SLC35E1: variants seen among roughly 807,000 people sequenced by gnomAD.
The protein encoded by SLC35E1 is solute carrier family 35, member E1.
SLC35E1 carries 12 observed loss-of-function variants against 31.0 expected under a neutral mutation model. The observed-to-expected ratio is 0.39, with a 90% CI of 0.25 to 0.63. SLC35E1 has a LOEUF of 0.63. SLC35E1 is among the 20% of genes least tolerant of loss of function. The pLI is 0.52. For missense variants in SLC35E1, 429 were observed against 572.2 expected (o/e 0.75, Z 2.55); for synonymous variants, 257 against 264.1 (o/e 0.97, Z 0.26).
In SLC35E1 at chr19:16,555,624, T is replaced by A; in HGVS notation, c.757-227A>T. On this transcript the variant is annotated intron_variant, in intron 4 of 5. Coordinates refer to ENST00000595753, the MANE Select transcript of SLC35E1 (RefSeq NM_024881.5). The surrounding 1 kb of genome is among the most constrained non-coding windows in gnomAD (Gnocchi z 4.1). ...AGCATGGGAATCACCCGCCGTCTCC[T>A]GCCAAGGAAACAGGTGAAGCCAGGT... 1.8e-6 allele frequency: 1 copy of A among 551,996 alleles called. No individual in the cohort carries two copies. Among genetic ancestry groups the A allele is most frequent in the Admixed American group, 3.3e-5 (1 of 30,110 alleles). 34.2% of individuals were successfully genotyped at this position (551,996 alleles called of 1,614,324 possible).
intron 2 of SLC35E1, among the ~76,000 whole-genome samples, chr19:16,569,776 G>T (rs773935209): frequency 5.9e-5 from 9 of 152,170 alleles, no homozygotes; most frequent in Non-Finnish European, 1.2e-4. Flanking sequence ...CCCAGGAGGC[G>T]GAGCTTGCAG....
At chr19:16,563,228 G>A (rs2085915876) in intron 4 of SLC35E1, among the ~76,000 whole-genome samples, 1 of 151,988 alleles carries the variant, frequency 6.6e-6, no homozygotes, top group South Asian at 2.1e-4. Flanking sequence ...GGAGGCTGAG[G>A]CAGGAGAACT....
At position 16,571,518 on chromosome 19, in the gene SLC35E1, G is replaced by C. The variant is rs944747722; in HGVS notation, c.486C>G (p.Ser162Arg). The change falls in exon 2 of 6, where the codon AGC becomes AGG. Residue 162 changes from serine to arginine, a missense_variant. Physicochemically the swap from Ser to Arg is moderately radical, Grantham distance 110. Transcript: ENST00000595753. ...AGTCCCTGCCCGGGGTTACCTTGGT[G>C]CTCTGCTTCTCCTTCATAATGATCC... ...LSRIIMKEKQ[S>R]TKVYLSLIPI... 6.2e-7 allele frequency: 1 copy of C among 1,613,930 alleles called. No homozygotes were observed. The highest frequency in any genetic ancestry group is 8.5e-7 in the Non-Finnish European group (1 of 1,179,924).
At chr19:16,556,889 C>CA in intron 4 of SLC35E1, 1 of 471,556 alleles carries the variant, frequency 2.1e-6, no homozygotes, top group Non-Finnish European at 4.4e-6. Flanking sequence ...TCAACCAACT[C>CA]AAGACTGGAA....
In SLC35E1 at chr19:16,566,532, C is replaced by G. The variant is rs765030120; in HGVS notation, c.756G>C (p.Leu252Phe). ...DLSAFLVSSD[L>F]TYVYQWPWTL... is the part of the protein sequence containing the mutation. The stretch of plus-strand genomic sequence containing the variant: ...GTGTTCTTGGTGCTGTACAACTCAC[C>G]AAGTCGCTGCTGACCAGGAAAGCCG... Residue 252 changes from leucine to phenylalanine, a missense_variant and splice_region_variant, in exon 4 of 6, where the codon TTG (leucine) becomes TTC (phenylalanine). By Grantham distance (22) the Leu-to-Phe change is conservative (BLOSUM62 0). Coordinates refer to ENST00000595753, the MANE Select transcript of SLC35E1 (RefSeq NM_024881.5). 3.1e-6 allele frequency: 5 copies of G among 1,612,528 alleles called. No homozygotes were observed. The Admixed American group carries it at 8.3e-5, about 27-fold the overall frequency.
At position 16,572,155 on chromosome 19, in the gene SLC35E1, G is replaced by C; in HGVS notation, c.210C>G (p.Cys70Trp). 1 of 1,517,598 alleles carries C rather than the reference G, an allele frequency of 6.6e-7. No homozygotes were observed. Among genetic ancestry groups the C allele is most frequent in the Non-Finnish European group, 8.8e-7 (1 of 1,133,108 alleles). 94.0% of individuals were successfully genotyped at this position (1,517,598 alleles called of 1,614,324 possible). ...TVSLCHILAL[C>W]AGLPPLLRAW... Reference sequence around the variant, plus strand: ...CGCGCAGCAGCGGCGGGAGCCCAGCGCACAGAGCCAGGATGTGGCACAGCG... The same window carrying C: ...CGCGCAGCAGCGGCGGGAGCCCAGCCCACAGAGCCAGGATGTGGCACAGCG... Residue 70 changes from cysteine (C) to tryptophan (W), a missense_variant, in exon 1 of 6, where the codon TGC becomes TGG. Coordinates refer to ENST00000595753, the MANE Select transcript of SLC35E1 (RefSeq NM_024881.5). The surrounding 1 kb of genome is among the most constrained non-coding windows in gnomAD (Gnocchi z 4.1).
chr19:16,561,718 G>A (rs760632945), intron 4 of SLC35E1, among the ~76,000 whole-genome samples: 2 of 152,176 alleles, frequency 1.3e-5, no homozygotes, highest in Non-Finnish European at 2.9e-5. Flanking sequence ...CGCCTGTTCT[G>A]GAGAACAGGA....
chr19:16,562,189 A>G (rs2085909993), intron 4 of SLC35E1, among the ~76,000 whole-genome samples: 1 of 152,212 alleles, frequency 6.6e-6, no homozygotes, highest in Admixed American at 6.5e-5. Flanking sequence ...ACAAAAAAAC[A>G]CAGCAAAAGC....
At chr19:16,566,879 G>A (rs1312543836) in intron 3 of SLC35E1, among the ~76,000 whole-genome samples, 1 of 152,192 alleles carries the variant, frequency 6.6e-6, no homozygotes, top group East Asian at 1.9e-4. Context: ...AAATAAAACA[G>A]TAACACTCAG....
intron 2 of SLC35E1, among the ~76,000 whole-genome samples, chr19:16,570,531 TA>T (rs1404368221): frequency 6.6e-6 from 1 of 152,174 alleles, no homozygotes; most frequent in African/African-American, 2.4e-5. Context: ...GAATACGGGA[TA>T]AAGCTGTCTC....
rs2085958426 is a variant in SLC35E1, at chr19:16,571,548, C to G, written c.456G>C (p.Leu152=). The G allele has an allele frequency of 1.2e-6, 2 of 1,613,966 alleles. No homozygotes were observed. Among genetic ancestry groups the G allele is most frequent in the Non-Finnish European group, 1.7e-6 (2 of 1,179,972 alleles). The change falls in exon 2 of 6, where the codon CTG becomes CTC. Residue 152 remains leucine, a synonymous_variant. Transcript: ENST00000595753. ...KATMPIWVVL[L]SRIIMKEKQS... ...GCTTCTCCTTCATAATGATCCGGGA[C>G]AGGAGGACCACCCAGATGGGCATGG...
chr19:16,571,724 C>T, intron 1 of SLC35E1, 142 bp from the exon 2 acceptor site: 1 of 994,204 alleles, frequency 1.0e-6, no homozygotes, highest in South Asian at 1.4e-5. Context: ...CCTCCTGCCA[C>T]GGCTGTTGTG....
rs760585319 is a variant in SLC35E1, at chr19:16,551,587, C to T, written c.*2092G>A. On this transcript the variant is annotated 3_prime_UTR_variant, in exon 6 of 6. Coordinates refer to ENST00000595753, the MANE Select transcript of SLC35E1 (RefSeq NM_024881.5). ...TGTGGTGATGAAGAAAGAAGGCAGC[C>T]ATCACCTAAGACCCCACAAGCCAAG... 6 of 152,034 alleles carry T rather than the reference C, an allele frequency of 3.9e-5. No homozygotes were observed. The highest frequency in any genetic ancestry group is 5.9e-5 in the Non-Finnish European group (4 of 68,012). The allele number at this position is 152,034 out of a possible 1,614,324, so 9.4% of individuals were successfully genotyped here.
chr19:16,560,777 A>G (rs58135177), intron 4 of SLC35E1, among the ~76,000 whole-genome samples: 62,681 of 149,032 alleles, frequency 0.42, 14,862 homozygotes, highest in African/African-American at 0.66. Context: ...TGGGAGAATC[A>G]CTTGAACCTG....
intron 2 of SLC35E1, among the ~76,000 whole-genome samples, chr19:16,570,555 T>C (rs1044763644): frequency 3.0e-4 from 45 of 152,172 alleles, no homozygotes; most frequent in Admixed American, 2.6e-4. Context: ...GCTAAAGCCA[T>C]GGCTATTCTT....
chr19:16,560,644 C>G (rs2085899963), intron 4 of SLC35E1, among the ~76,000 whole-genome samples: 1 of 152,028 alleles, frequency 6.6e-6, no homozygotes, highest in African/African-American at 2.4e-5. Context: ...GGGAGATGAT[C>G]TGAGGTCAGG....
At chr19:16,563,285 T>C (rs887320823) in intron 4 of SLC35E1, among the ~76,000 whole-genome samples, 7 of 151,890 alleles carry the variant, frequency 4.6e-5, no homozygotes, top group Admixed American at 6.6e-5. Flanking sequence ...GAACATGCCA[T>C]TGCATTCTAG....
chr19:16,557,494 A>G (rs2085880855), intron 4 of SLC35E1, among the ~76,000 whole-genome samples: 1 of 152,186 alleles, frequency 6.6e-6, no homozygotes, highest in South Asian at 2.1e-4. Flanking sequence ...CGCCTGGCCA[A>G]TTCCAGGCAT....
rs759904054 is a variant in SLC35E1 at position 16,555,701 on chromosome 19, C to G, written c.757-304G>C. 7.0e-5 allele frequency: 26 copies of G among 370,062 alleles called. No individual in the cohort carries two copies. The highest frequency in any genetic ancestry group is 1.3e-4 in the Non-Finnish European group (26 of 198,980). 22.9% of individuals were successfully genotyped at this position (370,062 alleles called of 1,614,324 possible). A position where few individuals can be genotyped will look rare whatever the true frequency, so the allele number is the denominator to read the frequency against. Reference sequence around the variant, plus strand: ...AGCCAAAGCCTTCCCTGGCAGTGAACAGCCAGGAACCCTGGGTTTGGCAAA... The same window carrying G: ...AGCCAAAGCCTTCCCTGGCAGTGAAGAGCCAGGAACCCTGGGTTTGGCAAA... On this transcript the variant is annotated intron_variant, in intron 4 of 5. Coordinates refer to ENST00000595753, the MANE Select transcript of SLC35E1 (RefSeq NM_024881.5). This position sits in a 1 kb window ranked among gnomAD's most constrained non-coding sequence, Gnocchi z 4.1.
Sources: gnomAD v4.1 joint callset for allele counts (sites outside exome capture counted in the v4.1 genomes callset) on GRCh38, gnomAD v4.1.1 for gene constraint, Gnocchi (gnomAD v3.1) non-coding constraint, MANE v1.5 for transcripts, NCBI Gene and HGNC (gene_info 2026-07-23, HGNC 2026-07-21) for gene names.